The following HSDL1 variants were observed in gnomAD, a reference collection of about 807,000 sequenced individuals.
HSDL1 encodes the protein hydroxysteroid dehydrogenase like 1, also known as inactive hydroxysteroid dehydrogenase-like protein 1.
A neutral mutation model predicts 31.5 loss-of-function variants in HSDL1; 29 were observed. The observed-to-expected ratio is 0.92, with a 90% CI of 0.69 to 1.26. HSDL1 has a LOEUF of 1.26. Among genes scored for constraint, HSDL1 ranks in the 50% most tolerant of loss-of-function variants. HSDL1 has a pLI of 0.00. For synonymous variants in HSDL1, 222 were observed against 155.2 expected (o/e 1.43, Z -3.20); for missense variants, 503 against 416.6 (o/e 1.21, Z -1.81).
At chr16:84,143,266 C>G (rs2086785687) in intron 1 of HSDL1, among the ~76,000 whole-genome samples, 1 of 152,062 alleles carries the variant, frequency 6.6e-6, no homozygotes, top group Non-Finnish European at 1.5e-5. Context: ...TATTATTCAG[C>G]CATAAAAAAG....
intron 2 of HSDL1, among the ~76,000 whole-genome samples, chr16:84,131,801 T>G (rs2086671113): frequency 6.6e-6 from 1 of 151,712 alleles, no homozygotes; most frequent in African/African-American, 2.4e-5. Flanking sequence ...TGCCTCAGCC[T>G]CCGGAGTAGC....
chr16:84,144,662 C>G (rs969940139), intron 1 of HSDL1, among the ~76,000 whole-genome samples: 17 of 152,058 alleles, frequency 1.1e-4, no homozygotes, highest in African/African-American at 4.1e-4. Context: ...GCTGGGGCCG[C>G]TCGGGGGAGG....
At position 84,143,216 on chromosome 16, in the gene HSDL1, G is replaced by A. The variant is rs1412009947; in HGVS notation, c.-69+1864C>T. Among the ~76,000 whole-genome samples, 4 of 152,138 alleles carry A rather than the reference G, an allele frequency of 2.6e-5. No homozygotes were observed. The East Asian group carries it at 7.7e-4, about 29-fold the overall frequency. Reference sequence around the variant, plus strand: ...ACAAACAAAATGTCCATCAACAAATGAATGAATAAGCAAAATGTGGTGTTA... The same window carrying A: ...ACAAACAAAATGTCCATCAACAAATAAATGAATAAGCAAAATGTGGTGTTA... On this transcript the variant is annotated intron_variant, in intron 1 of 5. Coordinates refer to ENST00000219439, the MANE Select transcript of HSDL1 (RefSeq NM_031463.5).
chr16:84,133,049 G>A, intron 2 of HSDL1, among the ~76,000 whole-genome samples: 1 of 150,128 alleles, frequency 6.7e-6, no homozygotes, highest in Non-Finnish European at 1.5e-5. Flanking sequence ...CTAAGTTTGA[G>A]AAAGAATGGG....
rs535857913 is a variant in HSDL1, at chr16:84,130,306, T to C, written c.346A>G (p.Lys116Glu). 6.2e-7 allele frequency: 1 copy of C among 1,614,116 alleles called. No individual in the cohort carries two copies. The highest frequency in any genetic ancestry group is 1.7e-5 in the Admixed American group (1 of 60,014). ...VVAKDIADTY[K>E]VETDIIVADF... ...GCAACTATAATATCAGTTTCCACTT[T>C]GTACGTGTCGGCTATGTCTTTAGCA... Residue 116 changes from lysine (K) to glutamate (E), a missense_variant, in exon 4 of 6, where the codon AAA (lysine) becomes GAA (glutamate). Lys to Glu is a moderately conservative substitution (Grantham distance 56, BLOSUM62 1). Transcript: ENST00000219439.
intron 5 of HSDL1, among the ~76,000 whole-genome samples, chr16:84,126,759 C>T (rs2086611104): frequency 6.6e-6 from 1 of 152,138 alleles, no homozygotes; most frequent in African/African-American, 2.4e-5. Flanking sequence ...CACTCACGCA[C>T]TTTGTGAACA....
intron 1 of HSDL1, chr16:84,139,302 G>A (rs2151191599): frequency 1.3e-5 from 2 of 152,512 alleles, no homozygotes; most frequent in Middle Eastern, 6.7e-3. Flanking sequence ...ATGTCATCAT[G>A]TGTCCTTGTA....
At chr16:84,140,700 C>G (rs1444084501) in intron 1 of HSDL1, among the ~76,000 whole-genome samples, 1 of 152,228 alleles carries the variant, frequency 6.6e-6, no homozygotes, top group Non-Finnish European at 1.5e-5. Flanking sequence ...CCTCTGATTA[C>G]AGCCCCTCCT....
intron 1 of HSDL1, among the ~76,000 whole-genome samples, chr16:84,141,127 G>A (rs535030118): frequency 6.6e-6 from 1 of 151,924 alleles, no homozygotes; most frequent in South Asian, 2.1e-4. Context: ...AGTTTCGCCT[G>A]GTTTTGAACC....
chr16:84,136,880 A>T (rs901930364), intron 1 of HSDL1, among the ~76,000 whole-genome samples: 1 of 152,196 alleles, frequency 6.6e-6, no homozygotes, highest in African/African-American at 2.4e-5. Context: ...CATTCCTTAG[A>T]GGCAGCTCAA....
At chr16:84,136,872 T>A (rs2086717858) in intron 1 of HSDL1, among the ~76,000 whole-genome samples, 1 of 152,198 alleles carries the variant, frequency 6.6e-6, no homozygotes, top group Non-Finnish European at 1.5e-5. Context: ...AAGTTCTTCA[T>A]TCCTTAGAGG....
intron 2 of HSDL1, 90 bp from the exon 3 acceptor site, chr16:84,131,417 T>A (rs1003785882): frequency 7.1e-6 from 6 of 849,810 alleles, no homozygotes; most frequent in South Asian, 5.9e-5. Flanking sequence ...GCTGAGGGCA[T>A]CAGATCTTGT....
chr16:84,128,613 G>A (rs1004697919), intron 5 of HSDL1, among the ~76,000 whole-genome samples: 9 of 151,984 alleles, frequency 5.9e-5, no homozygotes, highest in African/African-American at 2.2e-4. Flanking sequence ...TTCACTGAGA[G>A]GTAACCCTCA....
At chr16:84,141,015 C>T (rs929209641) in intron 1 of HSDL1, among the ~76,000 whole-genome samples, 24 of 151,480 alleles carry the variant, frequency 1.6e-4, no homozygotes, top group African/African-American at 5.6e-4. Context: ...GGCGTGAACC[C>T]GGAAGGCGGA....
Position 84,123,185 on chromosome 16 carries a change from G to A in HSDL1, c.*1445C>T, listed in dbSNP as rs560522440. The A allele has an allele frequency of 1.3e-5, 2 of 152,296 alleles. No individual in the cohort carries two copies. Among genetic ancestry groups the A allele is most frequent in the South Asian group, 4.1e-4 (2 of 4,826 alleles). 9.4% of individuals were successfully genotyped at this position (152,296 alleles called of 1,614,324 possible). ...TTGACCACTGATCTTCTGAGTGCAA[G>A]TCACATCTGGAAATCCTGTAGGCAA... On this transcript the variant is annotated 3_prime_UTR_variant, in exon 6 of 6. Transcript: ENST00000219439.
At chr16:84,136,047 T>C (rs1442138737) in intron 1 of HSDL1, among the ~76,000 whole-genome samples, 2 of 152,314 alleles carry the variant, frequency 1.3e-5, no homozygotes, top group East Asian at 3.9e-4. Context: ...TCCCACTGCC[T>C]CACTCTGCAC....
chr16:84,136,542 T>C (rs966063846), intron 1 of HSDL1, among the ~76,000 whole-genome samples: 1 of 152,188 alleles, frequency 6.6e-6, no homozygotes, highest in Non-Finnish European at 1.5e-5. Context: ...CACCCACAAA[T>C]TCCTTTGATC....
chr16:84,125,907 T>C (rs370197572), intron 5 of HSDL1, among the ~76,000 whole-genome samples: 1 of 152,028 alleles, frequency 6.6e-6, no homozygotes, highest in Admixed American at 6.5e-5. Context: ...ATCGAGACCA[T>C]CCTGGCTAAC....
chr16:84,128,065 G>C (rs1325209345), intron 5 of HSDL1, among the ~76,000 whole-genome samples: 2 of 150,958 alleles, frequency 1.3e-5, no homozygotes, highest in Admixed American at 1.3e-4. Context: ...AAGGCGGGTG[G>C]ATCACCTGAG....
Sources: allele counts gnomAD v4.1 joint callset (sites outside exome capture counted in the v4.1 genomes callset), GRCh38; gene constraint gnomAD v4.1.1; transcripts MANE v1.5; gene names NCBI Gene and HGNC (gene_info 2026-07-23, HGNC 2026-07-21).